The following TPR variants were observed in gnomAD, a reference collection of about 807,000 sequenced individuals.
TPR encodes nucleoprotein TPR.
TPR carries 51 observed loss-of-function variants against 316.1 expected under a neutral mutation model. The ratio of observed to expected loss-of-function variants is 0.16; its 90% CI spans 0.13 to 0.20. The LOEUF is 0.20. Ranked by LOEUF, TPR falls within the 10% of genes least tolerant of loss-of-function variation. TPR has a pLI of 1.00. For synonymous variants in TPR, 981 were observed against 914.7 expected (o/e 1.07, Z -1.31); for missense variants, 2,272 against 2,754.8 (o/e 0.82, Z 3.92).
chr1:186,359,326 T>C (rs1659114772), intron 12 of TPR, among the ~76,000 whole-genome samples: 1 of 152,022 alleles, frequency 6.6e-6, no homozygotes, highest in Non-Finnish European at 1.5e-5. Context: ...AAATGAGCAA[T>C]AACAAAATAA....
At chr1:186,373,510 C>G (rs1284928204) in intron 1 of TPR, 47 bp from the exon 2 acceptor site, 1 of 1,185,088 alleles carries the variant, frequency 8.4e-7, no homozygotes. Context: ...AACACATGTA[C>G]ATACATTGTG....
Position 186,337,109 on chromosome 1 carries a change from A to C in TPR, c.4410T>G (p.His1470Gln), listed in dbSNP as rs760760314. The C allele has an allele frequency of 1.2e-6, 2 of 1,613,876 alleles. No individual in the cohort carries two copies. The highest frequency in any genetic ancestry group is 1.7e-6 in the Non-Finnish European group (2 of 1,179,824). Residue 1470 changes from histidine (H) to glutamine (Q), a missense_variant, in exon 32 of 51, where the codon CAT becomes CAG. By Grantham distance (24) the His-to-Gln change is conservative. Coordinates refer to ENST00000367478, the MANE Select transcript of TPR (RefSeq NM_003292.3). ...AQSSGDHQEQ[H>Q]VSVQEMQELK... ...GTTCCTGCATTTCCTGGACTGAAAC[A>C]TGCTGCTCCTGATGGTCTCCAGAGG...
chr1:186,320,292 C>T lies in TPR; in HGVS notation c.6568+20G>A. 6.3e-7 allele frequency: 1 copy of T among 1,589,204 alleles called. No individual in the cohort carries two copies. The highest frequency in any genetic ancestry group is 8.6e-7 in the Non-Finnish European group (1 of 1,166,178). On this transcript the variant is annotated intron_variant, in intron 46 of 50. Coordinates refer to ENST00000367478, the MANE Select transcript of TPR (RefSeq NM_003292.3). ...CCAAATACATACAAATTCAGGGGAT[C>T]TAAAGGTTTAACTATTTACCTCCTT...
Position 186,311,681 on chromosome 1 carries a change from A to C in TPR, c.*2290T>G. 3 of 1,377,548 alleles carry C rather than the reference A, an allele frequency of 2.2e-6. No individual in the cohort carries two copies. In the South Asian group the frequency reaches 3.6e-5, roughly 16 times the overall value. 85.3% of individuals were successfully genotyped at this position (1,377,548 alleles called of 1,614,324 possible). On this transcript the variant is annotated 3_prime_UTR_variant, in exon 51 of 51. Coordinates refer to ENST00000367478, the MANE Select transcript of TPR (RefSeq NM_003292.3). Reference sequence around the variant, plus strand: ...CATTTATTATTGACTTTACTGTCAAAAGATATCTTTAATGGCTGAAATCAA... The same window carrying C: ...CATTTATTATTGACTTTACTGTCAACAGATATCTTTAATGGCTGAAATCAA...
Position 186,333,431 on chromosome 1 carries a change from A to T in TPR, c.5183-37T>A, listed in dbSNP as rs372821450. 9 of 1,596,706 alleles carry T rather than the reference A, an allele frequency of 5.6e-6. No individual in the cohort carries two copies. The African/African-American group carries it at 1.1e-4, about 19-fold the overall frequency. On this transcript the variant is annotated intron_variant, in intron 36 of 50. Transcript: ENST00000367478. ...TTATAATGCTGAATATAAGCCTTCT[A>T]CTTTTATCAAAGCTGAAATTATCCT... is the stretch of plus-strand genomic sequence containing the variant.
chr1:186,346,126 C>T lies in TPR; in HGVS notation c.3096+9G>A, dbSNP rs1364394052. 1.3e-6 allele frequency: 2 copies of T among 1,591,856 alleles called. No homozygotes were observed. Among genetic ancestry groups the T allele is most frequent in the Non-Finnish European group, 1.7e-6 (2 of 1,172,042 alleles). On this transcript the variant is annotated intron_variant, in intron 23 of 50. Coordinates refer to ENST00000367478, the MANE Select transcript of TPR (RefSeq NM_003292.3). ...TTAAAAAAAAAATTAATACGGTTAA[C>T]CTATTTACCTGTTGTTCCATGCTCT...
intron 45 of TPR, among the ~76,000 whole-genome samples, chr1:186,321,067 G>A (rs1319676472): frequency 6.6e-6 from 1 of 152,108 alleles, no homozygotes; most frequent in Non-Finnish European, 1.5e-5. Flanking sequence ...GAGGCACAGG[G>A]GTAGTGACAT....
rs1658863947 is a variant in TPR, at chr1:186,351,595, G to A, written c.2470-125C>T. 7.0e-6 allele frequency: 7 copies of A among 998,166 alleles called. No homozygotes were observed. In the East Asian group the frequency reaches 2.0e-4, roughly 29 times the overall value. 61.8% of individuals were successfully genotyped at this position (998,166 alleles called of 1,614,324 possible). A position where few individuals can be genotyped will look rare whatever the true frequency, so the allele number is the denominator to read the frequency against. On this transcript the variant is annotated intron_variant, in intron 19 of 50. Transcript: ENST00000367478. The stretch of plus-strand genomic sequence containing the variant: ...CTACATGAAGCAGCTAAAATCTACA[G>A]TATTTATCAAGAAAGTATTCTGGTA...
In TPR at chr1:186,346,296, T is replaced by C. The variant is rs375460644; in HGVS notation, c.2944-9A>G. ...CGCACTTCTTCTGTCACCTTTACCATATTACAAACAGTAGGATATAAAAAT... is the reference window on the plus strand; with the variant it reads ...CGCACTTCTTCTGTCACCTTTACCACATTACAAACAGTAGGATATAAAAAT... On this transcript the variant is annotated splice_polypyrimidine_tract_variant and intron_variant, in intron 22 of 50. Coordinates refer to ENST00000367478, the MANE Select transcript of TPR (RefSeq NM_003292.3). The C allele has an allele frequency of 8.1e-6, 13 of 1,606,742 alleles. No homozygotes were observed. The highest frequency in any genetic ancestry group is 1.1e-5 in the Non-Finnish European group (13 of 1,177,050).
Position 186,371,051 on chromosome 1 carries a change from A to C in TPR, c.257-8T>G. The C allele has an allele frequency of 6.2e-7, 1 of 1,611,450 alleles. No homozygotes were observed. The highest frequency in any genetic ancestry group is 8.5e-7 in the Non-Finnish European group (1 of 1,178,266). On this transcript the variant is annotated splice_region_variant and splice_polypyrimidine_tract_variant and intron_variant, in intron 2 of 50. Coordinates refer to ENST00000367478, the MANE Select transcript of TPR (RefSeq NM_003292.3). ...GTGCCTTCAGTTGATTGTCTGGATA[A>C]AAGGAATTTTATGAATACATACACA...
At chr1:186,352,473 T>C (rs1658891213) in intron 18 of TPR, among the ~76,000 whole-genome samples, 1 of 152,216 alleles carries the variant, frequency 6.6e-6, no homozygotes, top group Non-Finnish European at 1.5e-5. Flanking sequence ...ACTTTTAGAA[T>C]CCAAGCCGGT....
At chr1:186,320,039 C>T (rs951992434) in intron 46 of TPR, among the ~76,000 whole-genome samples, 2 of 152,106 alleles carry the variant, frequency 1.3e-5, no homozygotes, top group African/African-American at 4.8e-5. Context: ...TTCCTGAATA[C>T]TTAAACTACG....
chr1:186,325,402 C>T (rs547846559), intron 42 of TPR: 141 of 165,812 alleles, frequency 8.5e-4, no homozygotes, highest in Non-Finnish European at 1.5e-3. Flanking sequence ...CCAATAGCCC[C>T]AAATCTTGAA....
intron 42 of TPR, 129 bp downstream of exon 42, chr1:186,325,635 A>C (rs1657902441): frequency 1.4e-6 from 1 of 704,224 alleles, no homozygotes; most frequent in Admixed American, 3.0e-5. Flanking sequence ...CAACAGTCAC[A>C]AAGCTAGAAC....
In TPR at chr1:186,313,968, C is replaced by G. The variant is rs765865431; in HGVS notation, c.*3G>C. On this transcript the variant is annotated 3_prime_UTR_variant, in exon 51 of 51. Coordinates refer to ENST00000367478, the MANE Select transcript of TPR (RefSeq NM_003292.3). ...TTCACAGTTGTTATTGTTTACAGAC[C>G]ATTTAATTAATATTTCCTCTGTTTA... The G allele has an allele frequency of 6.2e-7, 1 of 1,611,274 alleles. No homozygotes were observed. The highest frequency in any genetic ancestry group is 1.1e-5 in the South Asian group (1 of 90,968).
intron 21 of TPR, among the ~76,000 whole-genome samples, 188 bp downstream of exon 21, chr1:186,350,035 A>C (rs1244439364): frequency 6.6e-6 from 1 of 152,244 alleles, no homozygotes; most frequent in Non-Finnish European, 1.5e-5. Flanking sequence ...ATCTTTTAAG[A>C]CAGCAAATTT....
intron 50 of TPR, 33 bp from the exon 51 acceptor site, chr1:186,314,059 T>A: frequency 6.3e-7 from 1 of 1,594,010 alleles, no homozygotes; most frequent in Non-Finnish European, 8.5e-7. Context: ...ATTGAATATA[T>A]CTTTTAAGAA....
chr1:186,319,252 G>A (rs1657703549), intron 46 of TPR, among the ~76,000 whole-genome samples: 1 of 152,104 alleles, frequency 6.6e-6, no homozygotes, highest in Admixed American at 6.5e-5. Flanking sequence ...GCCTCCCAAA[G>A]TTCTGGGATT....
chr1:186,337,073 C>T lies in TPR; in HGVS notation c.4446G>A (p.Thr1482=), dbSNP rs1166193796. Residue 1482 remains threonine (T), a synonymous_variant, in exon 32 of 51, where the codon ACG becomes ACA. Transcript: ENST00000367478. ...SVQEMQELKE[T]LNQAETKSKS... The stretch of plus-strand genomic sequence containing the variant: ...TTGATTTTGTTTCAGCTTGGTTGAG[C>T]GTTTCTTTGAGTTCCTGCATTTCCT... 5.6e-6 allele frequency: 9 copies of T among 1,613,740 alleles called. No homozygotes were observed. The highest frequency in any genetic ancestry group is 5.0e-5 in the Admixed American group (3 of 59,972).
Sources: allele counts gnomAD v4.1 joint callset (sites outside exome capture counted in the v4.1 genomes callset), GRCh38; gene constraint gnomAD v4.1.1; transcripts MANE v1.5; gene names NCBI Gene and HGNC (gene_info 2026-07-23, HGNC 2026-07-21).